The following BRSK2 variants were observed in gnomAD, a reference collection of about 807,000 sequenced individuals.
The protein encoded by BRSK2 is BR serine/threonine kinase 2.
BRSK2 carries 19 observed loss-of-function variants against 83.3 expected under a neutral mutation model. That is an observed-to-expected ratio of 0.23 (90% CI 0.16 to 0.33). The LOEUF (loss-of-function observed/expected upper bound fraction) is 0.33. Among genes scored for constraint, BRSK2 ranks in the 10% least tolerant of loss-of-function variants. The probability of loss-of-function intolerance (pLI) is 1.00; values close to 1 mark genes in which losing one functional copy is unlikely to be tolerated. For synonymous variants in BRSK2, 519 were observed against 435.4 expected, an observed-to-expected ratio of 1.19 and a Z score of -2.39; for missense variants, 798 against 1,042.3, an observed-to-expected ratio of 0.77 and a Z score of 3.23.
At chr11:1,396,616 T>C (rs1231439555) in intron 1 of BRSK2, among the ~76,000 whole-genome samples, 10 of 152,232 alleles carry the variant, frequency 6.6e-5, no homozygotes, top group Admixed American at 6.5e-4. Context: ...AAGGCCCCTT[T>C]GCCATCACCT....
intron 1 of BRSK2, among the ~76,000 whole-genome samples, chr11:1,419,068 G>C (rs1008514749): frequency 6.6e-6 from 1 of 152,226 alleles, no homozygotes; most frequent in Non-Finnish European, 1.5e-5. Context: ...GCGTGAGTCT[G>C]GGCACCAGGG....
chr11:1,437,527 C>T (rs1044227649), intron 2 of BRSK2, among the ~76,000 whole-genome samples: 1 of 152,216 alleles, frequency 6.6e-6, no homozygotes, highest in African/African-American at 2.4e-5. Flanking sequence ...CAGGTGCCCT[C>T]TGGGGTCACT....
At chr11:1,429,185 G>A (rs1849635186) in intron 1 of BRSK2, among the ~76,000 whole-genome samples, 1 of 149,576 alleles carries the variant, frequency 6.7e-6, no homozygotes, top group African/African-American at 2.5e-5. Context: ...CTGGGTGCAT[G>A]CGCGTGTGCA....
In BRSK2 at chr11:1,423,826, A is replaced by G. The variant is rs180989007; in HGVS notation, c.92-12214A>G. On this transcript the variant is annotated intron_variant, in intron 1 of 19. Coordinates refer to ENST00000528841, the MANE Select transcript of BRSK2 (RefSeq NM_001256627.2). This position sits in a 1 kb window ranked among gnomAD's most constrained non-coding sequence, Gnocchi z 6.5. ...CCCCGCTGGGCGTTCCGGGTGCCCC[A>G]GGCCTCCCCCGCTGAGTGTTCCCGG... 3.8e-3 allele frequency among the ~76,000 whole-genome samples: 556 copies of G among 147,842 alleles called. No individual in the cohort carries two copies. Among genetic ancestry groups the G allele is most frequent in the African/African-American group, 0.013 (505 of 38,822 alleles).
intron 1 of BRSK2, among the ~76,000 whole-genome samples, chr11:1,433,586 C>T (rs929896627): frequency 4.6e-5 from 7 of 152,242 alleles, no homozygotes; most frequent in East Asian, 1.9e-4. Flanking sequence ...TGCTCCTTTC[C>T]GTGTGTGGGG....
intron 9 of BRSK2, 74 bp downstream of exon 9, chr11:1,445,076 G>A (rs983704051): frequency 3.2e-6 from 5 of 1,567,484 alleles, no homozygotes; most frequent in East Asian, 4.5e-5. Context: ...TAGGAAAGGC[G>A]GGGGGAGGGC....
chr11:1,445,933 C>T (rs1445188174), intron 12 of BRSK2, 26 bp downstream of exon 12: 3 of 1,586,032 alleles, frequency 1.9e-6, no homozygotes, highest in South Asian at 1.1e-5. Flanking sequence ...GGCTGCTGGG[C>T]CTCCCTCCCT....
At position 1,448,228 on chromosome 11, in the gene BRSK2, C is replaced by T. The variant is rs370630110; in HGVS notation, c.1227-1548C>T. Reference sequence around the variant, plus strand: ...CCGGCCAGAGTTGAAGCCGAGCAGCCGTCCTGTGCCCACCTGCAGGAGCTG... The same window carrying T: ...CCGGCCAGAGTTGAAGCCGAGCAGCTGTCCTGTGCCCACCTGCAGGAGCTG... On this transcript the variant is annotated intron_variant, in intron 12 of 19. Coordinates refer to ENST00000528841, the MANE Select transcript of BRSK2 (RefSeq NM_001256627.2). 1.9e-3 allele frequency among the ~76,000 whole-genome samples: 294 copies of T among 152,306 alleles called. 1 individual carries two copies. The highest frequency in any genetic ancestry group is 3.4e-3 in the Non-Finnish European group (230 of 67,992).
intron 1 of BRSK2, among the ~76,000 whole-genome samples, chr11:1,401,387 C>A (rs186154682): frequency 6.6e-6 from 1 of 152,362 alleles, no homozygotes; most frequent in East Asian, 1.9e-4. Context: ...GTGAGTCTGT[C>A]TGCCTGGGAT....
chr11:1,427,014 G>T (rs1042423447), intron 1 of BRSK2, among the ~76,000 whole-genome samples: 1 of 152,132 alleles, frequency 6.6e-6, no homozygotes, highest in Non-Finnish European at 1.5e-5. Context: ...GCTGCGCGGG[G>T]TCCTTCCCCA....
intron 1 of BRSK2, among the ~76,000 whole-genome samples, chr11:1,427,156 G>A (rs918198116): frequency 1.6e-4 from 24 of 152,086 alleles, no homozygotes; most frequent in South Asian, 2.1e-4. Context: ...CTGGCTTCCT[G>A]GGGGCAGGGC....
intron 1 of BRSK2, among the ~76,000 whole-genome samples, chr11:1,408,060 A>G (rs1315450132): frequency 1.3e-5 from 2 of 152,164 alleles, no homozygotes; most frequent in South Asian, 4.1e-4. Context: ...CTTCCACTCC[A>G]GAATCCACCT....
intron 3 of BRSK2, 34 bp from the exon 4 acceptor site, chr11:1,440,754 C>A: frequency 6.5e-7 from 1 of 1,544,886 alleles, no homozygotes; most frequent in Non-Finnish European, 8.7e-7. Context: ...CGGGCAGCCA[C>A]AGCTGGGCGC....
chr11:1,407,421 G>A (rs969852202), intron 1 of BRSK2, among the ~76,000 whole-genome samples: 1 of 152,116 alleles, frequency 6.6e-6, no homozygotes, highest in African/African-American at 2.4e-5. Context: ...TCGGACCCTT[G>A]GCCACAGTGC....
chr11:1,439,542 G>A (rs868864535), intron 3 of BRSK2, among the ~76,000 whole-genome samples: 3 of 151,670 alleles, frequency 2.0e-5, no homozygotes, highest in Non-Finnish European at 2.9e-5. Flanking sequence ...GAGGGCAGGG[G>A]AGTGCGGGGG....
intron 1 of BRSK2, among the ~76,000 whole-genome samples, chr11:1,403,112 T>C (rs11025492): frequency 0.71 from 107,523 of 151,982 alleles, 38,573 homozygotes; most frequent in Non-Finnish European, 0.76. Context: ...GGTGTTGAGT[T>C]CCCCATTCCA....
chr11:1,439,196 G>C (rs1850799021), intron 3 of BRSK2, among the ~76,000 whole-genome samples: 1 of 152,114 alleles, frequency 6.6e-6, no homozygotes, highest in Non-Finnish European at 1.5e-5. Flanking sequence ...GCTGCCCTCA[G>C]GGTGAGCTGG....
chr11:1,436,648 G>T (rs995475674), intron 2 of BRSK2, among the ~76,000 whole-genome samples: 1 of 152,128 alleles, frequency 6.6e-6, no homozygotes, highest in Non-Finnish European at 1.5e-5. Context: ...AGTGGGGAGG[G>T]GGCGGCCCCG....
chr11:1,451,280 T>G, intron 14 of BRSK2, 91 bp from the exon 15 acceptor site: 1 of 1,475,976 alleles, frequency 6.8e-7, no homozygotes, highest in Non-Finnish European at 9.5e-7. Flanking sequence ...GGTGGACTCC[T>G]GATGACCCTG....
Sources: gnomAD v4.1 joint callset for allele counts (sites outside exome capture counted in the v4.1 genomes callset) on GRCh38, gnomAD v4.1.1 for gene constraint, Gnocchi (gnomAD v3.1) non-coding constraint, MANE v1.5 for transcripts, NCBI Gene and HGNC (gene_info 2026-07-23, HGNC 2026-07-21) for gene names.